GRIN2A: variants seen among roughly 807,000 people sequenced by gnomAD.
The protein encoded by GRIN2A is glutamate ionotropic receptor NMDA type subunit 2A.
GRIN2A carries 22 observed loss-of-function variants against 113.4 expected under a neutral mutation model. The observed-to-expected ratio is 0.19, with a 90% CI of 0.14 to 0.28. The LOEUF (loss-of-function observed/expected upper bound fraction) is 0.28. Ranked by LOEUF, GRIN2A falls within the 10% of genes least tolerant of loss-of-function variation. The pLI is 1.00. For missense variants in GRIN2A, 1,502 were observed against 1,887.0 expected, an observed-to-expected ratio of 0.80 and a Z score of 3.78; for synonymous variants, 827 against 738.4, an observed-to-expected ratio of 1.12 and a Z score of -1.94.
chr16:9,996,309 T>C (rs2141830911), intron 2 of GRIN2A, among the ~76,000 whole-genome samples: 1 of 152,272 alleles, frequency 6.6e-6, no homozygotes. Context: ...CCTCATTCTC[T>C]TCTACCACAT....
chr16:10,083,826 G>A (rs1227572102), intron 2 of GRIN2A, among the ~76,000 whole-genome samples: 1 of 152,240 alleles, frequency 6.6e-6, no homozygotes, highest in Non-Finnish European at 1.5e-5. Flanking sequence ...TCAGGGCTGA[G>A]TGTGGTGGCT....
At chr16:9,985,485 A>G (rs11861079) in intron 2 of GRIN2A, among the ~76,000 whole-genome samples, 2,021 of 152,326 alleles carry the variant, frequency 0.013, 45 homozygotes, top group African/African-American at 0.046. Flanking sequence ...TGGTACATAT[A>G]CACAATGGAG....
intron 2 of GRIN2A, among the ~76,000 whole-genome samples, chr16:9,983,054 G>C (rs2045919592): frequency 6.6e-6 from 1 of 152,188 alleles, no homozygotes; most frequent in Admixed American, 6.5e-5. Context: ...TATACAATGT[G>C]TAATGATCAA....
Position 9,764,635 on chromosome 16 carries a change from C to T in GRIN2A, c.2909G>A (p.Arg970Gln), listed in dbSNP as rs148669437. 1.0e-4 allele frequency: 166 copies of T among 1,613,980 alleles called. No individual in the cohort carries two copies. Among genetic ancestry groups the T allele is most frequent in the Non-Finnish European group, 1.3e-4 (152 of 1,180,008 alleles). ...MNELQTFVAN[R>Q]QKDNLNNYVF... ...ATAGTTATTGAGGTTATCCTTCTGC[C>T]GGTTGGCCACAAATGTTTGGAGTTC... Residue 970 changes from arginine to glutamine, a missense_variant, in exon 13 of 13, where the codon CGG becomes CAG. By Grantham distance (43) the Arg-to-Gln change is conservative. This residue lies in a region of GRIN2A where 832 missense variants were observed against 789.7 expected (regional missense o/e 1.05). Coordinates refer to ENST00000330684, the MANE Select transcript of GRIN2A (RefSeq NM_001134407.3).
chr16:9,983,751 T>G (rs2045932632), intron 2 of GRIN2A, among the ~76,000 whole-genome samples: 1 of 152,236 alleles, frequency 6.6e-6, no homozygotes, highest in African/African-American at 2.4e-5. Flanking sequence ...GATGTTGTTA[T>G]TTTAATGGCT....
chr16:10,132,238 A>G (rs2049079294), intron 2 of GRIN2A, among the ~76,000 whole-genome samples: 1 of 150,644 alleles, frequency 6.6e-6, no homozygotes, highest in Admixed American at 6.7e-5. Context: ...AACCTGAGGC[A>G]GGAGAATCGC....
chr16:10,119,568 G>T (rs2142175321), intron 2 of GRIN2A, among the ~76,000 whole-genome samples: 1 of 152,248 alleles, frequency 6.6e-6, no homozygotes. Context: ...AACAGGGAAA[G>T]ATTATTTTTT....
chr16:9,901,141 T>C (rs2141516676), intron 3 of GRIN2A, among the ~76,000 whole-genome samples: 1 of 152,348 alleles, frequency 6.6e-6, no homozygotes, highest in South Asian at 2.1e-4. Flanking sequence ...TCTGCTGCTT[T>C]TTCTCCCTTG....
At chr16:9,850,159 C>T (rs962863957) in intron 4 of GRIN2A, among the ~76,000 whole-genome samples, 198 bp from the exon 5 acceptor site, 8 of 152,174 alleles carry the variant, frequency 5.3e-5, no homozygotes, top group South Asian at 2.1e-4. Flanking sequence ...CCATCCCAGC[C>T]GCCCTCATCC....
In GRIN2A at chr16:9,961,183, G is replaced by T. The variant is rs143013248; in HGVS notation, c.415-22632C>A. On this transcript the variant is annotated intron_variant, in intron 2 of 12. Transcript: ENST00000330684. Reference sequence around the variant, plus strand: ...TTATTAAGCCTCAACCATGTACCAAGAACTACTATCTCACTGAAGCTGTGG... The same window carrying T: ...TTATTAAGCCTCAACCATGTACCAATAACTACTATCTCACTGAAGCTGTGG... Among the ~76,000 whole-genome samples, 55 of 152,248 alleles carry T rather than the reference G, an allele frequency of 3.6e-4. No homozygotes were observed. In the East Asian group the frequency reaches 0.01, roughly 28 times the overall value.
At chr16:9,876,751 C>A (rs1260512124) in intron 4 of GRIN2A, among the ~76,000 whole-genome samples, 1 of 152,080 alleles carries the variant, frequency 6.6e-6, no homozygotes. Flanking sequence ...TGAATGGATG[C>A]CCATATGGCT....
intron 2 of GRIN2A, among the ~76,000 whole-genome samples, chr16:9,976,721 C>T (rs7191736): frequency 0.11 from 16,755 of 152,128 alleles, 1,154 homozygotes; most frequent in African/African-American, 0.17. Context: ...AAATCACAGG[C>T]GCACAGCTCC....
At chr16:9,885,000 G>C (rs6497558) in intron 4 of GRIN2A, among the ~76,000 whole-genome samples, 2,315 of 152,048 alleles carry the variant, frequency 0.015, 48 homozygotes, top group African/African-American at 0.052. Flanking sequence ...GCCTCCCAAA[G>C]TGCTGGGATT....
At chr16:10,149,303 T>G (rs947342467) in intron 2 of GRIN2A, among the ~76,000 whole-genome samples, 3 of 152,200 alleles carry the variant, frequency 2.0e-5, no homozygotes, top group Non-Finnish European at 2.9e-5. Flanking sequence ...TATAGCACAT[T>G]TGCATGCCTC....
At chr16:9,886,226 G>T (rs1009477770) in intron 4 of GRIN2A, among the ~76,000 whole-genome samples, 8 of 152,154 alleles carry the variant, frequency 5.3e-5, no homozygotes, top group Non-Finnish European at 1.0e-4. Flanking sequence ...ACATAAGGCA[G>T]AAAGGCTCCA....
At chr16:10,154,305 G>C (rs535300667) in intron 2 of GRIN2A, among the ~76,000 whole-genome samples, 1 of 152,182 alleles carries the variant, frequency 6.6e-6, no homozygotes. Flanking sequence ...AAGCCATTAA[G>C]ATACAGGGGC....
chr16:10,106,576 G>T (rs2048505631), intron 2 of GRIN2A, among the ~76,000 whole-genome samples: 1 of 152,074 alleles, frequency 6.6e-6, no homozygotes, highest in African/African-American at 2.4e-5. Flanking sequence ...TGACTAGTTT[G>T]TCTCTGAATC....
intron 2 of GRIN2A, among the ~76,000 whole-genome samples, chr16:10,145,497 T>A (rs1310350467): frequency 7.0e-6 from 1 of 142,116 alleles, no homozygotes; most frequent in Non-Finnish European, 1.5e-5. Flanking sequence ...TATTTAGATG[T>A]CAATGCAGCT....
chr16:9,847,476 G>C lies in GRIN2A; in HGVS notation c.1328+2280C>G, dbSNP rs370442976. Among the ~76,000 whole-genome samples, 3 of 152,034 alleles carry C rather than the reference G, an allele frequency of 2.0e-5. No homozygotes were observed. The East Asian group carries it at 5.8e-4, about 29-fold the overall frequency. On this transcript the variant is annotated intron_variant, in intron 5 of 12. Coordinates refer to ENST00000330684, the MANE Select transcript of GRIN2A (RefSeq NM_001134407.3). Reference sequence around the variant, plus strand: ...GCTATTCAGGAGGTTGAGGTGAGAAGAACACTTGAGCCTAGGAGTTCAAGA... The same window carrying C: ...GCTATTCAGGAGGTTGAGGTGAGAACAACACTTGAGCCTAGGAGTTCAAGA...
Sources: gnomAD v4.1 joint callset for allele counts (sites outside exome capture counted in the v4.1 genomes callset) on GRCh38, gnomAD v4.1.1 for gene constraint, gnomAD v4.1.1 regional missense constraint, MANE v1.5 for transcripts, NCBI Gene and HGNC (gene_info 2026-07-23, HGNC 2026-07-21) for gene names.